CDK14: variants seen among roughly 807,000 people sequenced by gnomAD.
CDK14 encodes cyclin-dependent kinase 14.
Under a neutral mutation model 60.7 loss-of-function variants are expected in CDK14, and 34 were observed. The ratio of observed to expected loss-of-function variants is 0.56; its 90% confidence interval spans 0.43 to 0.75. The LOEUF is 0.75. CDK14 is among the 30% of genes least tolerant of loss of function. The pLI is 0.00. For synonymous variants in CDK14, 197 were observed against 203.7 expected (o/e 0.97, Z 0.28); for missense variants, 482 against 564.1 (o/e 0.85, Z 1.47).
intron 11 of CDK14, among the ~76,000 whole-genome samples, chr7:91,049,516 C>T (rs1317275431): frequency 6.6e-6 from 1 of 152,168 alleles, no homozygotes; most frequent in Non-Finnish European, 1.5e-5. Flanking sequence ...ACCACTGTGC[C>T]TGACCACAAT....
chr7:90,637,869 A>G (rs1471510439), intron 2 of CDK14, among the ~76,000 whole-genome samples: 5 of 150,246 alleles, frequency 3.3e-5, no homozygotes, highest in Non-Finnish European at 7.4e-5. Context: ...TGTTGAATTG[A>G]TCCGTTTACC....
intron 6 of CDK14, among the ~76,000 whole-genome samples, chr7:90,880,893 C>G (rs529289612): frequency 1.3e-4 from 20 of 152,100 alleles, no homozygotes; most frequent in African/African-American, 4.8e-4. Context: ...ACAACAGCAT[C>G]AACAACAACA....
At chr7:90,979,119 A>G in intron 9 of CDK14, among the ~76,000 whole-genome samples, 1 of 152,142 alleles carries the variant, frequency 6.6e-6, no homozygotes, top group Non-Finnish European at 1.5e-5. Context: ...ACCTAAATGA[A>G]TGAGTGTGGT....
At chr7:90,992,632 G>A (rs1294768581) in intron 10 of CDK14, among the ~76,000 whole-genome samples, 1 of 152,174 alleles carries the variant, frequency 6.6e-6, no homozygotes, top group African/African-American at 2.4e-5. Context: ...GTTCACTGAA[G>A]TTTGTAAGGG....
chr7:90,758,454 A>T (rs936697792), intron 4 of CDK14, among the ~76,000 whole-genome samples: 2 of 152,224 alleles, frequency 1.3e-5, no homozygotes, highest in Admixed American at 1.3e-4. Context: ...TTGGAAAATT[A>T]AAATATATGG....
At chr7:90,900,767 T>C (rs1020280742) in intron 7 of CDK14, among the ~76,000 whole-genome samples, 3 of 152,180 alleles carry the variant, frequency 2.0e-5, no homozygotes, top group Non-Finnish European at 1.5e-5. Flanking sequence ...AGTGATACAA[T>C]TGAGATTAAA....
chr7:90,639,966 G>A (rs897203264), intron 2 of CDK14, among the ~76,000 whole-genome samples: 3 of 152,230 alleles, frequency 2.0e-5, no homozygotes, highest in East Asian at 2.0e-4. Flanking sequence ...TTTTAAGCCC[G>A]TAGGAAAAGC....
rs112081240 is a variant in CDK14 at position 91,045,446 on chromosome 7, T to C, written c.1042-451T>C. Among the ~76,000 whole-genome samples the C allele has an allele frequency of 7.2e-3, 1,093 of 152,312 alleles. 17 individuals carry two copies. Among genetic ancestry groups the C allele is most frequent in the African/African-American group, 0.025 (1,046 of 41,570 alleles). On this transcript the variant is annotated intron_variant, in intron 10 of 14. Coordinates refer to ENST00000380050, the MANE Select transcript of CDK14 (RefSeq NM_001287135.2). ...AGCATTCTAAGCTGTCGACCCTGCC[T>C]CTTTGAAACATTATGATGCTCAGAC...
At chr7:91,151,244 AAAGT>A (rs1800820017) in intron 14 of CDK14, among the ~76,000 whole-genome samples, 1 of 152,170 alleles carries the variant, frequency 6.6e-6, no homozygotes, top group South Asian at 2.1e-4. Flanking sequence ...TCCCAGTTTC[AAAGT>A]GAGTCTGATT....
chr7:90,833,038 A>G (rs1016644709), intron 5 of CDK14, among the ~76,000 whole-genome samples: 3 of 152,268 alleles, frequency 2.0e-5, no homozygotes, highest in Admixed American at 6.5e-5. Flanking sequence ...TCTGTTTGCC[A>G]TTGTCTTTTC....
chr7:90,938,639 G>A (rs1275218560), intron 8 of CDK14, among the ~76,000 whole-genome samples: 2 of 152,106 alleles, frequency 1.3e-5, no homozygotes, highest in Non-Finnish European at 2.9e-5. Context: ...GAATGCTAAT[G>A]TAAGAAAACT....
At chr7:90,759,808 G>T (rs1804244301) in intron 4 of CDK14, among the ~76,000 whole-genome samples, 2 of 152,102 alleles carry the variant, frequency 1.3e-5, no homozygotes, top group Admixed American at 6.5e-5. Context: ...TCTTTGTTCT[G>T]CTTCTAGAAT....
intron 4 of CDK14, among the ~76,000 whole-genome samples, chr7:90,749,923 A>G (rs138025753): frequency 3.3e-4 from 50 of 152,316 alleles, no homozygotes; most frequent in Admixed American, 8.5e-4. Flanking sequence ...GCCTAAGGCA[A>G]CAGAGAGCAT....
chr7:90,880,678 C>T (rs111797040), intron 6 of CDK14, among the ~76,000 whole-genome samples: 5 of 152,130 alleles, frequency 3.3e-5, no homozygotes, highest in African/African-American at 9.7e-5. Flanking sequence ...AGTGGTCCTA[C>T]TGGCATCAGT....
chr7:90,710,627 A>T lies in CDK14; in HGVS notation c.124-15940A>T, dbSNP rs1289868033. 4.7e-6 allele frequency: 4 copies of T among 847,630 alleles called. No homozygotes were observed. The East Asian group carries it at 4.9e-4, about 104-fold the overall frequency. The allele number at this position is 847,630 out of a possible 1,614,324, so 52.5% of individuals were successfully genotyped here. A position where few individuals can be genotyped will look rare whatever the true frequency, so the allele number is the denominator to read the frequency against. On this transcript the variant is annotated intron_variant, in intron 2 of 14. Transcript: ENST00000380050. ...TTATGCTTTTATGTACAGAAGTGATAATTCTTCGTGCAGTTCTGCGTGAAG... is the reference window on the plus strand; with the variant it reads ...TTATGCTTTTATGTACAGAAGTGATTATTCTTCGTGCAGTTCTGCGTGAAG...
chr7:90,921,305 T>A (rs1793242823), intron 8 of CDK14, among the ~76,000 whole-genome samples: 1 of 152,120 alleles, frequency 6.6e-6, no homozygotes, highest in African/African-American at 2.4e-5. Flanking sequence ...CTGCCTCTCA[T>A]GTGGCTGCCT....
rs569415829 is a variant in CDK14, at chr7:91,131,988, A to G, written c.*28+13780A>G. 2.0e-4 allele frequency among the ~76,000 whole-genome samples: 26 copies of G among 132,264 alleles called. No individual in the cohort carries two copies. The South Asian group carries it at 6.3e-3, about 32-fold the overall frequency. 86.8% of individuals were successfully genotyped at this position (132,264 alleles called of 152,430 possible). ...CCATACACCAATCTCTTGTTCTTTT[A>G]GGAAGTTTTTTTGTTGGTTGGTTGG... On this transcript the variant is annotated intron_variant, in intron 14 of 14. Coordinates refer to ENST00000380050, the MANE Select transcript of CDK14 (RefSeq NM_001287135.2).
chr7:91,012,838 A>G (rs1415941437), intron 10 of CDK14, among the ~76,000 whole-genome samples: 1 of 152,218 alleles, frequency 6.6e-6, no homozygotes, highest in Non-Finnish European at 1.5e-5. Context: ...TCATTTACAT[A>G]GATTCATATA....
At chr7:91,189,294 A>G (rs2115929001) in intron 14 of CDK14, among the ~76,000 whole-genome samples, 1 of 152,274 alleles carries the variant, frequency 6.6e-6, no homozygotes, top group South Asian at 2.1e-4. Context: ...CAAGTCCACA[A>G]TTAAGGGGTC....
Sources: gnomAD v4.1 joint callset for allele counts (sites outside exome capture counted in the v4.1 genomes callset) on GRCh38, gnomAD v4.1.1 for gene constraint, MANE v1.5 for transcripts, NCBI Gene and HGNC (gene_info 2026-07-23, HGNC 2026-07-21) for gene names.